Variants in ZNF723 observed in about 807,000 individuals in gnomAD.
ZNF723 encodes zinc finger protein 723.
ZNF723 carries 5 observed loss-of-function variants against 9.4 expected under a neutral mutation model. That is an observed-to-expected ratio of 0.53 (90% CI 0.28 to 1.12). The LOEUF (loss-of-function observed/expected upper bound fraction) is 1.12. Ranked by LOEUF, ZNF723 falls within the 50% of genes most tolerant of loss-of-function variation. ZNF723 has a pLI of 0.10. For missense variants in ZNF723, 450 were observed against 501.5 expected, an observed-to-expected ratio of 0.90 and a Z score of 0.98; for synonymous variants, 158 against 168.8, an observed-to-expected ratio of 0.94 and a Z score of 0.49.
At chr19:22,847,120 G>T (rs1250756573) in intron 1 of ZNF723, among the ~76,000 whole-genome samples, 2 of 150,896 alleles carry the variant, frequency 1.3e-5, no homozygotes, top group Non-Finnish European at 2.9e-5. Context: ...CTGTTGCCCA[G>T]CTTGGAATGT....
At chr19:22,831,123 C>G (rs927073676), upstream of ZNF723, among the ~76,000 whole-genome samples, 39 of 152,266 alleles carry the variant, frequency 2.6e-4, no homozygotes, top group Middle Eastern at 0.01. Context: ...ACAGCTGCTC[C>G]CATTGAGATA....
At chr19:22,850,583 C>T (rs1169596308) in intron 3 of ZNF723, among the ~76,000 whole-genome samples, 3 of 151,804 alleles carry the variant, frequency 2.0e-5, no homozygotes, top group Admixed American at 6.6e-5. Context: ...ACTGCAACCT[C>T]CGCCTCCTGG....
chr19:22,821,334 G>C, the ZNF723 span, among the ~76,000 whole-genome samples: 1 of 152,188 alleles, frequency 6.6e-6, no homozygotes, highest in East Asian at 1.9e-4. Flanking sequence ...AGCATCTAAG[G>C]TATTTTACTC....
chr19:22,838,651 G>T (rs1173239534), intron 1 of ZNF723, among the ~76,000 whole-genome samples: 1 of 151,926 alleles, frequency 6.6e-6, no homozygotes, highest in African/African-American at 2.4e-5. Context: ...CAAAAAACAT[G>T]ATCTTGTTCT....
At chr19:22,826,840 T>C in the ZNF723 span, among the ~76,000 whole-genome samples, 2 of 152,200 alleles carry the variant, frequency 1.3e-5, no homozygotes, top group African/African-American at 4.8e-5. Context: ...CCAACTTATA[T>C]ATAAAAAAAC....
intron 1 of ZNF723, among the ~76,000 whole-genome samples, chr19:22,834,063 ACAC>A (rs1255015384): frequency 1.3e-5 from 2 of 148,210 alleles, no homozygotes; most frequent in Admixed American, 1.4e-4. Context: ...TTAGAAGCAT[ACAC>A]CACCACGCCC....
the ZNF723 span, among the ~76,000 whole-genome samples, chr19:22,820,244 T>C: frequency 3.3e-5 from 5 of 152,100 alleles, no homozygotes; most frequent in South Asian, 2.1e-4. Flanking sequence ...ACGCTGCCCA[T>C]AGGAAAAATT....
At chr19:22,841,192 C>T (rs1967240953) in intron 1 of ZNF723, among the ~76,000 whole-genome samples, 1 of 152,260 alleles carries the variant, frequency 6.6e-6, no homozygotes. Flanking sequence ...CTACCTTCAG[C>T]AGGCACTTGG....
chr19:22,854,055 G>A (rs1439084368), intron 3 of ZNF723, among the ~76,000 whole-genome samples: 1 of 152,090 alleles, frequency 6.6e-6, no homozygotes, highest in African/African-American at 2.4e-5. Flanking sequence ...ATTACAGAAA[G>A]TGGCGTATTA....
chr19:22,836,135 A>T (rs1242297515), intron 1 of ZNF723, among the ~76,000 whole-genome samples: 1 of 152,142 alleles, frequency 6.6e-6, no homozygotes, highest in African/African-American at 2.4e-5. Flanking sequence ...AAAGGAGGTT[A>T]TTAAAGGCAC....
rs975539756 is a variant in ZNF723, at chr19:22,858,639, G to A, written c.*206G>A. On this transcript the variant is annotated 3_prime_UTR_variant, in exon 4 of 4. Transcript: ENST00000600766. ...AAATTAGCCGGGTGTAGTGGTGGGC[G>A]CCTGTAATCCCAGCTAGTTGGGAGG... 3.3e-5 allele frequency: 12 copies of A among 363,322 alleles called. No individual in the cohort carries two copies. The highest frequency in any genetic ancestry group is 6.4e-5 in the South Asian group (1 of 15,516). 22.5% of individuals were successfully genotyped at this position (363,322 alleles called of 1,614,324 possible).
intron 1 of ZNF723, among the ~76,000 whole-genome samples, chr19:22,847,610 C>T (rs1967331408): frequency 6.6e-6 from 1 of 152,038 alleles, no homozygotes; most frequent in South Asian, 2.1e-4. Flanking sequence ...CTCAACATGT[C>T]TTTTCCATCT....
intron 3 of ZNF723, among the ~76,000 whole-genome samples, chr19:22,853,476 T>G (rs112702713): frequency 0.013 from 2,015 of 152,244 alleles, 24 homozygotes; most frequent in Middle Eastern, 0.027. Context: ...GCTGTTTAAT[T>G]TTTATATATT....
the ZNF723 span, among the ~76,000 whole-genome samples, chr19:22,825,118 C>T: frequency 6.6e-6 from 1 of 152,306 alleles, no homozygotes; most frequent in Admixed American, 6.5e-5. Context: ...CCTTGAGGTT[C>T]TGAATCTGAC....
At chr19:22,831,607 T>C (rs529592581), upstream of ZNF723, among the ~76,000 whole-genome samples, 1 of 150,846 alleles carries the variant, frequency 6.6e-6, no homozygotes, top group South Asian at 2.1e-4. Context: ...TTTCAGAAGA[T>C]TGCCTTTTTA....
At chr19:22,851,705 G>A (rs111244069) in intron 3 of ZNF723, among the ~76,000 whole-genome samples, 33 of 152,212 alleles carry the variant, frequency 2.2e-4, no homozygotes, top group African/African-American at 7.2e-4. Context: ...TAGTGGTGAT[G>A]AACTCCCTCA....
chr19:22,822,787 G>A, the ZNF723 span, among the ~76,000 whole-genome samples: 1 of 152,086 alleles, frequency 6.6e-6, no homozygotes, highest in Non-Finnish European at 1.5e-5. Context: ...GCGTGAACCT[G>A]GGAGGCAAAG....
In ZNF723 at chr19:22,857,477, A is replaced by G; in HGVS notation, c.586A>G (p.Thr196Ala). The G allele has an allele frequency of 9.1e-7, 1 of 1,097,032 alleles. No homozygotes were observed. Among genetic ancestry groups the G allele is most frequent in the East Asian group, 2.4e-5 (1 of 41,918 alleles). The allele number at this position is 1,097,032 out of a possible 1,614,324, so 68.0% of individuals were successfully genotyped here. A position where few individuals can be genotyped will look rare whatever the true frequency, so the allele number is the denominator to read the frequency against. The change falls in exon 4 of 4, where the codon ACT (threonine) becomes GCT (alanine). Residue 196 changes from threonine to alanine, a missense_variant. By Grantham distance (58) the Thr-to-Ala change is moderately conservative. Coordinates refer to ENST00000600766, the MANE Select transcript of ZNF723 (RefSeq NM_001349726.2). ...SHLTKHERNH[T>A]RVNCYKCEEC... ...CCTAACTAAACATGAAAGAAATCATACTAGAGTGAATTGTTACAAATGTGA... is the reference window on the plus strand; with the variant it reads ...CCTAACTAAACATGAAAGAAATCATGCTAGAGTGAATTGTTACAAATGTGA...
intron 2 of ZNF723, among the ~76,000 whole-genome samples, chr19:22,848,893 T>G (rs1375051377): frequency 6.6e-6 from 1 of 151,880 alleles, no homozygotes; most frequent in African/African-American, 2.4e-5. Context: ...TCGCTGGGAG[T>G]AGAGGCATGT....
Sources: gnomAD v4.1 joint callset for allele counts (sites outside exome capture counted in the v4.1 genomes callset) on GRCh38, gnomAD v4.1.1 for gene constraint, MANE v1.5 for transcripts, NCBI Gene and HGNC (gene_info 2026-07-23, HGNC 2026-07-21) for gene names.